PCDH9: variants seen among roughly 807,000 people sequenced by gnomAD.
The protein encoded by PCDH9 is protocadherin 9, also known as protocadherin-9.
A neutral mutation model predicts 70.6 loss-of-function variants in PCDH9; 24 were observed. The ratio of observed to expected loss-of-function variants is 0.34; its 90% CI spans 0.25 to 0.48. The LOEUF is 0.48. PCDH9 is among the 20% of genes least tolerant of loss of function. The pLI, the probability that PCDH9 is intolerant of heterozygous loss-of-function variation, is 0.99. For missense variants in PCDH9, 1,281 were observed against 1,503.6 expected, an observed-to-expected ratio of 0.85 and a Z score of 2.45; for synonymous variants, 562 against 558.5, an observed-to-expected ratio of 1.01 and a Z score of -0.09.
intron 2 of PCDH9, among the ~76,000 whole-genome samples, chr13:67,104,451 T>C (rs2086495014): frequency 6.6e-6 from 1 of 152,198 alleles, no homozygotes; most frequent in African/African-American, 2.4e-5. Context: ...CAACATAGGT[T>C]TCAACGTGTG....
intron 3 of PCDH9, among the ~76,000 whole-genome samples, chr13:66,851,328 G>GA (rs1208847311): frequency 6.6e-6 from 1 of 151,930 alleles, no homozygotes; most frequent in Non-Finnish European, 1.5e-5. Flanking sequence ...TAAATTTATT[G>GA]ATAAAGGGCC....
chr13:66,655,272 G>A (rs2077912872), intron 3 of PCDH9, among the ~76,000 whole-genome samples: 1 of 152,012 alleles, frequency 6.6e-6, no homozygotes, highest in Admixed American at 6.6e-5. Flanking sequence ...TTCTGATCAT[G>A]GGTAAAATAA....
At chr13:67,047,444 G>T (rs1024433741) in intron 2 of PCDH9, among the ~76,000 whole-genome samples, 1 of 152,116 alleles carries the variant, frequency 6.6e-6, no homozygotes, top group Admixed American at 6.6e-5. Flanking sequence ...ACACTTTAAA[G>T]GTTAAGTGAT....
intron 4 of PCDH9, among the ~76,000 whole-genome samples, chr13:66,358,956 T>A (rs780830133): frequency 7.9e-5 from 12 of 151,872 alleles, no homozygotes; most frequent in Non-Finnish European, 1.2e-4. Context: ...CCCTCTAGAG[T>A]CATCCAAAAA....
intron 2 of PCDH9, among the ~76,000 whole-genome samples, chr13:67,067,737 A>G (rs1225403215): frequency 7.1e-6 from 1 of 140,670 alleles, no homozygotes; most frequent in African/African-American, 2.6e-5. Flanking sequence ...ATAAGTAAAG[A>G]ATTTGGGGGG....
At chr13:66,654,426 T>C (rs1180365743) in intron 3 of PCDH9, among the ~76,000 whole-genome samples, 1 of 151,952 alleles carries the variant, frequency 6.6e-6, no homozygotes, top group East Asian at 1.9e-4. Flanking sequence ...GAAACTACAG[T>C]CAACAATAAT....
At chr13:67,008,893 A>C (rs2084402280) in intron 2 of PCDH9, among the ~76,000 whole-genome samples, 1 of 152,162 alleles carries the variant, frequency 6.6e-6, no homozygotes, top group Non-Finnish European at 1.5e-5. Context: ...CTTACAGTCT[A>C]AATTCTCATA....
chr13:66,856,279 A>G (rs1159254602), intron 3 of PCDH9, among the ~76,000 whole-genome samples: 3 of 152,046 alleles, frequency 2.0e-5, no homozygotes, highest in African/African-American at 7.2e-5. Context: ...AGAGTAAAAC[A>G]CACTGCACAT....
intron 4 of PCDH9, among the ~76,000 whole-genome samples, chr13:66,495,712 A>C (rs1299178773): frequency 6.6e-6 from 1 of 152,166 alleles, no homozygotes; most frequent in Non-Finnish European, 1.5e-5. Flanking sequence ...TTTGACCTCT[A>C]TTGGCTGCAT....
intron 4 of PCDH9, among the ~76,000 whole-genome samples, chr13:66,356,637 C>A (rs1260614440): frequency 6.6e-6 from 1 of 151,874 alleles, no homozygotes; most frequent in Non-Finnish European, 1.5e-5. Flanking sequence ...AAACAAAGTG[C>A]AAAAACAAAG....
intron 2 of PCDH9, chr13:67,222,148 C>G (rs968823741): frequency 6.6e-6 from 1 of 151,538 alleles, no homozygotes; most frequent in African/African-American, 2.4e-5. Context: ...TTCTTTTAGG[C>G]AAATATACCA....
At chr13:66,747,003 A>G (rs17081701) in intron 3 of PCDH9, among the ~76,000 whole-genome samples, 74,409 of 148,726 alleles carry the variant, frequency 0.5, 20,342 homozygotes, top group Non-Finnish European at 0.63. Flanking sequence ...TAAACATTTT[A>G]TTCAAAAAAA....
intron 3 of PCDH9, among the ~76,000 whole-genome samples, chr13:66,796,056 T>C (rs1245904385): frequency 6.6e-6 from 1 of 152,116 alleles, no homozygotes; most frequent in African/African-American, 2.4e-5. Flanking sequence ...AATAGATAGT[T>C]TAGGATTTTG....
At chr13:66,844,015 T>C (rs1158836296) in intron 3 of PCDH9, among the ~76,000 whole-genome samples, 1 of 152,170 alleles carries the variant, frequency 6.6e-6, no homozygotes, top group Non-Finnish European at 1.5e-5. Context: ...TAATACATTT[T>C]TTTTTCAAGA....
At chr13:67,040,195 C>A (rs1594428071) in intron 2 of PCDH9, among the ~76,000 whole-genome samples, 1 of 152,046 alleles carries the variant, frequency 6.6e-6, no homozygotes, top group African/African-American at 2.4e-5. Context: ...GTTTATGTCC[C>A]CCCAGACGTT....
intron 4 of PCDH9, among the ~76,000 whole-genome samples, chr13:66,469,982 A>G (rs1282161578): frequency 6.6e-6 from 1 of 152,184 alleles, no homozygotes; most frequent in African/African-American, 2.4e-5. Flanking sequence ...TTGTCTTTCT[A>G]GACTTTATCC....
chr13:67,010,182 C>G (rs1431620457), intron 2 of PCDH9, among the ~76,000 whole-genome samples: 1 of 151,990 alleles, frequency 6.6e-6, no homozygotes, highest in Non-Finnish European at 1.5e-5. Flanking sequence ...AAATTAACTA[C>G]TATTATTGTT....
chr13:66,887,055 A>ACACACACACACACACACC (rs1430061555), intron 3 of PCDH9, among the ~76,000 whole-genome samples: 88 of 151,296 alleles, frequency 5.8e-4, no homozygotes, highest in Non-Finnish European at 1.1e-3. Flanking sequence ...ACACACACAC[A>ACACACACACACACACACC]CACACACACA....
chr13:66,604,276 T>G (rs1255910325), intron 4 of PCDH9, among the ~76,000 whole-genome samples: 1 of 151,994 alleles, frequency 6.6e-6, no homozygotes, highest in Non-Finnish European at 1.5e-5. Context: ...TTTTTGTCAA[T>G]GCACCTGGCT....
Sources: gnomAD v4.1 joint callset for allele counts (sites outside exome capture counted in the v4.1 genomes callset) on GRCh38, gnomAD v4.1.1 for gene constraint, MANE v1.5 for transcripts, NCBI Gene and HGNC (gene_info 2026-07-23, HGNC 2026-07-21) for gene names.